Variants in UNC5D observed in about 807,000 individuals in gnomAD.
UNC5D encodes the protein netrin receptor UNC5D.
In UNC5D, 39 loss-of-function variants were observed where a neutral mutation model predicts 105.4. The observed-to-expected ratio is 0.37, with a 90% confidence interval of 0.29 to 0.48. The LOEUF is 0.48. Ranked by LOEUF, UNC5D falls within the 20% of genes least tolerant of loss-of-function variation. The pLI is 0.98. For missense variants in UNC5D, 991 were observed against 1,202.4 expected, an observed-to-expected ratio of 0.82 and a Z score of 2.60; for synonymous variants, 452 against 450.4, an observed-to-expected ratio of 1.00 and a Z score of -0.04.
At chr8:35,517,950 C>T (rs139770208) in intron 1 of UNC5D, among the ~76,000 whole-genome samples, 286 of 152,238 alleles carry the variant, frequency 1.9e-3, no homozygotes, top group African/African-American at 6.2e-3. Context: ...CATAAGGGCA[C>T]TAGTCTCATT....
At chr8:35,498,211 A>G (rs1189751481) in intron 1 of UNC5D, among the ~76,000 whole-genome samples, 1 of 151,626 alleles carries the variant, frequency 6.6e-6, no homozygotes, top group Non-Finnish European at 1.5e-5. Flanking sequence ...CTACTAAGTC[A>G]GGGGCTGAAA....
chr8:35,425,977 A>G (rs557404103), intron 1 of UNC5D, among the ~76,000 whole-genome samples: 1 of 152,278 alleles, frequency 6.6e-6, no homozygotes, highest in East Asian at 1.9e-4. Flanking sequence ...TAGTAGCCTG[A>G]CACATAACCC....
intron 1 of UNC5D, among the ~76,000 whole-genome samples, chr8:35,248,958 T>C (rs1222458259): frequency 1.1e-5 from 1 of 94,086 alleles, no homozygotes; most frequent in Non-Finnish European, 1.9e-5. Context: ...TATAAACATA[T>C]ATAATATATA....
intron 4 of UNC5D, among the ~76,000 whole-genome samples, chr8:35,616,125 A>G (rs1489208050): frequency 6.6e-6 from 1 of 152,216 alleles, no homozygotes; most frequent in Non-Finnish European, 1.5e-5. Context: ...TGAAGCGCCT[A>G]GATGCCAGTT....
At chr8:35,464,225 G>C (rs1809126795) in intron 1 of UNC5D, among the ~76,000 whole-genome samples, 2 of 152,110 alleles carry the variant, frequency 1.3e-5, no homozygotes, top group Non-Finnish European at 2.9e-5. Context: ...TACTCAGGAG[G>C]CTGAAACAGG....
At chr8:35,333,358 G>C (rs935346727) in intron 1 of UNC5D, among the ~76,000 whole-genome samples, 2 of 152,048 alleles carry the variant, frequency 1.3e-5, no homozygotes, top group Non-Finnish European at 2.9e-5. Flanking sequence ...ATAAGCTTTA[G>C]CCCTTTAAAT....
chr8:35,487,183 A>G (rs1334771770), intron 1 of UNC5D, among the ~76,000 whole-genome samples: 1 of 152,140 alleles, frequency 6.6e-6, no homozygotes, highest in Non-Finnish European at 1.5e-5. Context: ...TGAATGCCTC[A>G]TGAAATTGAG....
chr8:35,637,821 A>G (rs888154739), intron 4 of UNC5D, among the ~76,000 whole-genome samples: 1 of 152,190 alleles, frequency 6.6e-6, no homozygotes, highest in African/African-American at 2.4e-5. Flanking sequence ...GGATGCTTTC[A>G]AGAGACACTC....
In UNC5D at chr8:35,792,939, C is replaced by A. The variant is rs759716726; in HGVS notation, c.*2376C>A. On this transcript the variant is annotated 3_prime_UTR_variant, in exon 17 of 17. Transcript: ENST00000404895. ...AAGATGAGACAAGATTATTGTCAAT[C>A]CCTGAATGTCTGGAGTTACCTCCCA... The A allele has an allele frequency of 2.3e-6, 1 of 440,076 alleles. No individual in the cohort carries two copies. Among genetic ancestry groups the A allele is most frequent in the Non-Finnish European group, 4.5e-6 (1 of 222,842 alleles). The allele number at this position is 440,076 out of a possible 1,614,324, so 27.3% of individuals were successfully genotyped here.
chr8:35,509,960 G>T (rs949525341), intron 1 of UNC5D, among the ~76,000 whole-genome samples: 3 of 152,166 alleles, frequency 2.0e-5, no homozygotes, highest in African/African-American at 7.2e-5. Flanking sequence ...AATGATACAG[G>T]TGAATGCCAG....
At chr8:35,324,362 A>G (rs1232174259) in intron 1 of UNC5D, among the ~76,000 whole-genome samples, 3 of 151,978 alleles carry the variant, frequency 2.0e-5, no homozygotes, top group Non-Finnish European at 2.9e-5. Context: ...TTTGGAGACA[A>G]AAGGAGAAGT....
chr8:35,595,097 A>G (rs1819406366), intron 3 of UNC5D, among the ~76,000 whole-genome samples: 1 of 152,228 alleles, frequency 6.6e-6, no homozygotes, highest in Non-Finnish European at 1.5e-5. Flanking sequence ...AGCATCTTCT[A>G]GAGCCCCCTA....
At chr8:35,780,464 AGGAT>A (rs1416162053) in intron 16 of UNC5D, among the ~76,000 whole-genome samples, 16 of 152,368 alleles carry the variant, frequency 1.1e-4, no homozygotes, top group African/African-American at 3.4e-4. Flanking sequence ...GCCGAGGAAA[AGGAT>A]GGAGGAAGGC....
intron 1 of UNC5D, among the ~76,000 whole-genome samples, chr8:35,363,087 C>T (rs1352661558): frequency 1.3e-5 from 2 of 152,130 alleles, no homozygotes; most frequent in Non-Finnish European, 2.9e-5. Context: ...TATTTAATGA[C>T]TTCAAAACTT....
chr8:35,709,190 G>A (rs958038600), intron 8 of UNC5D, among the ~76,000 whole-genome samples: 2 of 151,988 alleles, frequency 1.3e-5, no homozygotes, highest in Non-Finnish European at 2.9e-5. Context: ...TGTTCTGGGT[G>A]GTGGAGAATC....
intron 1 of UNC5D, among the ~76,000 whole-genome samples, chr8:35,397,236 C>A (rs1804165687): frequency 6.6e-6 from 1 of 152,158 alleles, no homozygotes; most frequent in African/African-American, 2.4e-5. Flanking sequence ...GAGGCTGATC[C>A]TGTAGATACC....
In UNC5D at chr8:35,668,795, A is replaced by G. The variant is rs143400245; in HGVS notation, c.571-14752A>G. On this transcript the variant is annotated intron_variant, in intron 4 of 16. Coordinates refer to ENST00000404895, the MANE Select transcript of UNC5D (RefSeq NM_080872.4). ...CCTTTAAACTGATTTTAATTAACACACTGTGGAAGGAGCTTCTTGTTGAAA... is the reference window on the plus strand; with the variant it reads ...CCTTTAAACTGATTTTAATTAACACGCTGTGGAAGGAGCTTCTTGTTGAAA... Among the ~76,000 whole-genome samples the G allele has an allele frequency of 1.2e-3, 190 of 152,264 alleles. 1 individual carries two copies. The highest frequency in any genetic ancestry group is 2.3e-3 in the Non-Finnish European group (159 of 68,004).
intron 2 of UNC5D, among the ~76,000 whole-genome samples, chr8:35,550,760 C>T (rs1363162251): frequency 1.3e-5 from 2 of 152,058 alleles, no homozygotes; most frequent in East Asian, 1.9e-4. Flanking sequence ...CTAGGACTAT[C>T]AGTAAAGGTA....
At chr8:35,682,633 T>C (rs898929083) in intron 4 of UNC5D, among the ~76,000 whole-genome samples, 1 of 152,042 alleles carries the variant, frequency 6.6e-6, no homozygotes, top group East Asian at 1.9e-4. Flanking sequence ...TCAGAGGAAA[T>C]TGGCATGTGA....
Sources: allele counts gnomAD v4.1 joint callset (sites outside exome capture counted in the v4.1 genomes callset), GRCh38; gene constraint gnomAD v4.1.1; transcripts MANE v1.5; gene names NCBI Gene and HGNC (gene_info 2026-07-23, HGNC 2026-07-21).